The following TRMT6 variants were observed in gnomAD, a reference collection of about 807,000 sequenced individuals.
TRMT6 encodes tRNA (adenine(58)-N(1))-methyltransferase non-catalytic subunit TRM6.
In TRMT6, 34 loss-of-function variants were observed where a neutral mutation model predicts 59.0. The ratio of observed to expected loss-of-function variants is 0.58; its 90% CI spans 0.44 to 0.77. The LOEUF (loss-of-function observed/expected upper bound fraction) is 0.77. Among genes scored for constraint, TRMT6 ranks in the 30% least tolerant of loss-of-function variants. TRMT6 has a pLI of 0.00. For missense variants in TRMT6, 575 were observed against 604.5 expected, an observed-to-expected ratio of 0.95 and a Z score of 0.51; for synonymous variants, 217 against 210.5, an observed-to-expected ratio of 1.03 and a Z score of -0.27.
chr20:5,940,559 C>CT (rs1938300792), intron 10 of TRMT6, among the ~76,000 whole-genome samples: 1 of 152,204 alleles, frequency 6.6e-6, no homozygotes, highest in African/African-American at 2.4e-5. Context: ...GGCATATTCT[C>CT]TGAGTAACAG....
rs2088619339 is a variant in TRMT6 at position 5,937,679 on chromosome 20, T to TG, written c.*855dup. On this transcript the variant is annotated 3_prime_UTR_variant, in exon 11 of 11. Coordinates refer to ENST00000203001, the MANE Select transcript of TRMT6 (RefSeq NM_015939.5). ...ACTGCACACTCTTTCTGTCCCCATG[T>TG]GTACATACATATTCATACAGGTGGT... The TG allele has an allele frequency of 2.6e-5, 4 of 152,250 alleles. No individual in the cohort carries two copies. Among genetic ancestry groups the TG allele is most frequent in the Non-Finnish European group, 5.9e-5 (4 of 68,044 alleles). 9.4% of individuals were successfully genotyped at this position (152,250 alleles called of 1,614,324 possible). A position where few individuals can be genotyped will look rare whatever the true frequency, so the allele number is the denominator to read the frequency against.
chr20:5,941,282 G>C lies in TRMT6; in HGVS notation c.1176C>G (p.Ala392=). ...AGTAGACCACAAACGGCCTTGAAGG[G>C]GCCACAAAGTCCAGCAAAGACAGCA... ...PLLLSLLDFV[A]PSRPFVVYCQ... Residue 392 remains alanine (A), a synonymous_variant, in exon 9 of 11, where the codon GCC becomes GCG. Coordinates refer to ENST00000203001, the MANE Select transcript of TRMT6 (RefSeq NM_015939.5). 1 of 1,614,178 alleles carries C rather than the reference G, an allele frequency of 6.2e-7. No individual in the cohort carries two copies. The highest frequency in any genetic ancestry group is 8.5e-7 in the Non-Finnish European group (1 of 1,180,034).
intron 1 of TRMT6, among the ~76,000 whole-genome samples, chr20:5,949,559 T>C (rs1485942528): frequency 1.3e-5 from 2 of 152,220 alleles, no homozygotes; most frequent in Non-Finnish European, 2.9e-5. Flanking sequence ...TTTGGAGTTC[T>C]GAGGCCTTGA....
chr20:5,946,032 T>C (rs921857897), intron 2 of TRMT6, among the ~76,000 whole-genome samples: 2 of 152,272 alleles, frequency 1.3e-5, no homozygotes, highest in Admixed American at 1.3e-4. Context: ...AAGGTAGAAA[T>C]TGAACTTAGC....
At chr20:5,945,962 A>G (rs1042391525) in intron 2 of TRMT6, among the ~76,000 whole-genome samples, 3 of 152,196 alleles carry the variant, frequency 2.0e-5, no homozygotes, top group African/African-American at 7.2e-5. Flanking sequence ...TTTTACATAT[A>G]TAAGGATATA....
At chr20:5,941,614 A>G in intron 8 of TRMT6, 1 of 552,240 alleles carries the variant, frequency 1.8e-6, no homozygotes, top group South Asian at 2.4e-5. Flanking sequence ...AATCACCTGG[A>G]AACAAATCCA....
At position 5,937,498 on chromosome 20, in the gene TRMT6, T is replaced by C. The variant is rs1482006245; in HGVS notation, c.*1037A>G. 1 of 152,184 alleles carries C rather than the reference T, an allele frequency of 6.6e-6. No homozygotes were observed. The highest frequency in any genetic ancestry group is 1.5e-5 in the Non-Finnish European group (1 of 68,034). 9.4% of individuals were successfully genotyped at this position (152,184 alleles called of 1,614,324 possible). ...CAGCACATGATCAAATGATTAGAGT[T>C]TTTCAGAGCTTAGAAAGGGTAACCA... On this transcript the variant is annotated 3_prime_UTR_variant, in exon 11 of 11. Coordinates refer to ENST00000203001, the MANE Select transcript of TRMT6 (RefSeq NM_015939.5).
Position 5,942,680 on chromosome 20 carries a change from A to T in TRMT6, c.774T>A (p.Pro258=), listed in dbSNP as rs746152442. The T allele has an allele frequency of 1.2e-6, 2 of 1,614,182 alleles. No homozygotes were observed. Among genetic ancestry groups the T allele is most frequent in the Non-Finnish European group, 8.5e-7 (1 of 1,180,036 alleles). ...KSFLSGLYEF[P]LNKVDSLLHG... is the part of the protein sequence containing the mutation. ...GTAGAAGACTGTCCACTTTGTTGAG[A>T]GGGAATTCATAAAGACCACTGAGAA... The change falls in exon 7 of 11, where the codon CCT becomes CCA. Residue 258 remains proline (P), a synonymous_variant. Coordinates refer to ENST00000203001, the MANE Select transcript of TRMT6 (RefSeq NM_015939.5).
chr20:5,942,930 G>A (rs1204071333), intron 6 of TRMT6, 144 bp from the exon 7 acceptor site: 1 of 683,442 alleles, frequency 1.5e-6, no homozygotes, highest in Non-Finnish European at 2.5e-6. Flanking sequence ...AGCTCCTCAG[G>A]GAGTCTGTTT....
chr20:5,950,521 C>T lies in TRMT6; in HGVS notation c.-116G>A, dbSNP rs2088784636. The T allele has an allele frequency of 2.5e-6, 3 of 1,217,534 alleles. No individual in the cohort carries two copies. Among genetic ancestry groups the T allele is most frequent in the African/African-American group, 1.6e-5 (1 of 64,140 alleles). 75.4% of individuals were successfully genotyped at this position (1,217,534 alleles called of 1,614,324 possible). On this transcript the variant is annotated 5_prime_UTR_variant, in exon 1 of 11. Coordinates refer to ENST00000203001, the MANE Select transcript of TRMT6 (RefSeq NM_015939.5). ...CTAGGAGCCCTCCGACCGGCACCGCCCCCACGTGTTGCACGCCGCTTCCGC... is the reference window on the plus strand; with the variant it reads ...CTAGGAGCCCTCCGACCGGCACCGCTCCCACGTGTTGCACGCCGCTTCCGC...
intron 7 of TRMT6, 125 bp downstream of exon 7, chr20:5,942,303 T>A: frequency 1.1e-6 from 1 of 905,580 alleles, no homozygotes; most frequent in Non-Finnish European, 1.8e-6. Context: ...ACACACTCGT[T>A]CTCTGTTTTG....
At chr20:5,948,488 C>T (rs1176017132) in intron 1 of TRMT6, among the ~76,000 whole-genome samples, 1 of 152,058 alleles carries the variant, frequency 6.6e-6, no homozygotes, top group Non-Finnish European at 1.5e-5. Flanking sequence ...AAGAAGAGGG[C>T]CTGTTGAAAA....
chr20:5,938,348 GT>G lies in TRMT6; in HGVS notation c.*186del. ...TCATACTACATACCCCATGGTTGCA[GT>G]TTTGACAGACCAAATGCATCTGTGT... On this transcript the variant is annotated 3_prime_UTR_variant, in exon 11 of 11. Transcript: ENST00000203001. 1.7e-6 allele frequency: 1 copy of G among 598,022 alleles called. No homozygotes were observed. The highest frequency in any genetic ancestry group is 2.8e-5 in the East Asian group (1 of 36,086). 37.0% of individuals were successfully genotyped at this position (598,022 alleles called of 1,614,324 possible).
intron 1 of TRMT6, among the ~76,000 whole-genome samples, chr20:5,949,748 G>T (rs1033204291): frequency 1.3e-5 from 2 of 152,054 alleles, no homozygotes; most frequent in Non-Finnish European, 2.9e-5. Flanking sequence ...ATTTTTTGTG[G>T]GATAGATCCT....
Position 5,941,118 on chromosome 20 carries a change from T to C in TRMT6, c.1237A>G (p.Lys413Glu), listed in dbSNP as rs1037279097. The change falls in exon 10 of 11, where the codon AAA becomes GAA. Residue 413 changes from lysine (K) to glutamate (E), a missense_variant. Coordinates refer to ENST00000203001, the MANE Select transcript of TRMT6 (RefSeq NM_015939.5). Reference sequence around the variant, plus strand: ...ATGACCCCTCCCCTCTCCCGCAGTTTTGTGTAGCATTCCAACAGAGGCTGC... The same window carrying C: ...ATGACCCCTCCCCTCTCCCGCAGTTCTGTGTAGCATTCCAACAGAGGCTGC... Reference protein sequence around the residue: ...YKEPLLECYTKLRERGGVINL... With the variant: ...YKEPLLECYTELRERGGVINL... The C allele has an allele frequency of 3.7e-5, 59 of 1,614,098 alleles. No homozygotes were observed. Among genetic ancestry groups the C allele is most frequent in the Admixed American group, 6.7e-5 (4 of 60,010 alleles).
intron 1 of TRMT6, 60 bp from the exon 2 acceptor site, chr20:5,946,593 T>C (rs1257865755): frequency 7.2e-6 from 11 of 1,530,496 alleles, no homozygotes; most frequent in Admixed American, 1.7e-5. Flanking sequence ...AGAAAAGACA[T>C]GTTCACTACA....
At chr20:5,947,272 T>C (rs1174955292) in intron 1 of TRMT6, among the ~76,000 whole-genome samples, 1 of 152,184 alleles carries the variant, frequency 6.6e-6, no homozygotes, top group South Asian at 2.1e-4. Context: ...AGCAAAGACC[T>C]AAGGACGGTA....
At chr20:5,946,352 T>C (rs1600225853) in intron 2 of TRMT6, 54 bp downstream of exon 2, 2 of 1,610,212 alleles carry the variant, frequency 1.2e-6, no homozygotes, top group South Asian at 1.1e-5. Flanking sequence ...GAGGCTGAGA[T>C]GTTTCTGACT....
In TRMT6 at chr20:5,938,400, C is replaced by T. The variant is rs1291966538; in HGVS notation, c.*135G>A. ...CAGAAATAGACAAAAGGCATATACT[C>T]CTCCTTCCTAGAAACGGGTACATAG... is the stretch of plus-strand genomic sequence containing the variant. On this transcript the variant is annotated 3_prime_UTR_variant, in exon 11 of 11. Coordinates refer to ENST00000203001, the MANE Select transcript of TRMT6 (RefSeq NM_015939.5). 59 of 956,260 alleles carry T rather than the reference C, an allele frequency of 6.2e-5. No homozygotes were observed. The highest frequency in any genetic ancestry group is 4.5e-5 in the Non-Finnish European group (29 of 639,586). The allele number at this position is 956,260 out of a possible 1,614,324, so 59.2% of individuals were successfully genotyped here.
Sources: gnomAD v4.1 joint callset for allele counts (sites outside exome capture counted in the v4.1 genomes callset) on GRCh38, gnomAD v4.1.1 for gene constraint, MANE v1.5 for transcripts, NCBI Gene and HGNC (gene_info 2026-07-23, HGNC 2026-07-21) for gene names.